The following PLEKHB2 variants were observed in gnomAD, a reference collection of about 807,000 sequenced individuals.
PLEKHB2 encodes the protein pleckstrin homology domain containing B2.
PLEKHB2 carries 31 observed loss-of-function variants against 36.5 expected under a neutral mutation model. The ratio of observed to expected loss-of-function variants is 0.85; its 90% CI spans 0.64 to 1.15. The LOEUF (loss-of-function observed/expected upper bound fraction) is 1.15. Ranked by LOEUF, PLEKHB2 falls within the 50% of genes most tolerant of loss-of-function variation. The pLI is 0.00. For missense variants in PLEKHB2, 262 were observed against 295.3 expected (o/e 0.89, Z 0.83); for synonymous variants, 119 against 112.0 (o/e 1.06, Z -0.39).
chr2:131,145,335 TTTC>T (rs148203262), intron 7 of PLEKHB2, among the ~76,000 whole-genome samples: 3,241 of 152,234 alleles, frequency 0.021, 113 homozygotes, highest in African/African-American at 0.074. Context: ...ACTAGTTTTT[TTTC>T]TTTTCTTTTT....
intron 5 of PLEKHB2, among the ~76,000 whole-genome samples, chr2:131,131,122 A>G (rs75472803): frequency 0.018 from 2,772 of 152,206 alleles, 49 homozygotes; most frequent in African/African-American, 0.048. Context: ...TTGTGTAACA[A>G]TTGGAGAATG....
chr2:131,115,246 T>C (rs1185064536), intron 1 of PLEKHB2, among the ~76,000 whole-genome samples: 1 of 151,808 alleles, frequency 6.6e-6, no homozygotes, highest in Non-Finnish European at 1.5e-5. Flanking sequence ...GATTCAGTTA[T>C]CTCCACCTGG....
chr2:131,131,091 C>T (rs1203538197), intron 5 of PLEKHB2, among the ~76,000 whole-genome samples: 1 of 152,166 alleles, frequency 6.6e-6, no homozygotes, highest in African/African-American at 2.4e-5. Context: ...ACCCGGCCAC[C>T]AGTAATGTTT....
At position 131,125,924 on chromosome 2, in the gene PLEKHB2, G is replaced by A. The variant is rs751581854; in HGVS notation, c.190+19G>A. 2.3e-5 allele frequency: 37 copies of A among 1,608,580 alleles called. No individual in the cohort carries two copies. The highest frequency in any genetic ancestry group is 3.0e-5 in the Non-Finnish European group (35 of 1,177,460). ...TGTCGGGGTAAGCTGGCCTGTCTTG[G>A]CCAACTTCTGTCTTCTGCTCTTCCT... On this transcript the variant is annotated intron_variant, in intron 3 of 7. Transcript: ENST00000693505.
chr2:131,109,291 G>T (rs1695045143), intron 1 of PLEKHB2, among the ~76,000 whole-genome samples: 1 of 152,154 alleles, frequency 6.6e-6, no homozygotes, highest in Admixed American at 6.5e-5. Context: ...GTTCAAATAG[G>T]TAGATTAATT....
In PLEKHB2 at chr2:131,130,576, A is replaced by G. The variant is rs1697578125; in HGVS notation, c.294-145A>G. The G allele has an allele frequency of 2.4e-5, 16 of 675,852 alleles. No homozygotes were observed. The East Asian group carries it at 4.3e-4, about 18-fold the overall frequency. 41.9% of individuals were successfully genotyped at this position (675,852 alleles called of 1,614,324 possible). ...GTAATTTTTAAAAATATATATTCCT[A>G]GTGCATGTCTCAAGTGGTTTGGGGC... On this transcript the variant is annotated intron_variant, in intron 4 of 7. Transcript: ENST00000693505.
At chr2:131,128,649 T>G (rs1697334593) in intron 4 of PLEKHB2, among the ~76,000 whole-genome samples, 1 of 152,198 alleles carries the variant, frequency 6.6e-6, no homozygotes, top group South Asian at 2.1e-4. Context: ...GAAAGTGGTC[T>G]TCCCTTCAAT....
chr2:131,126,590 T>C, intron 3 of PLEKHB2, 94 bp from the exon 4 acceptor site: 1 of 741,654 alleles, frequency 1.3e-6, no homozygotes, highest in Non-Finnish European at 2.4e-6. Context: ...ACTTGATTTA[T>C]TGTCTAGTCC....
intron 4 of PLEKHB2, among the ~76,000 whole-genome samples, chr2:131,129,941 A>T (rs1049632133): frequency 6.6e-6 from 1 of 152,072 alleles, no homozygotes; most frequent in Admixed American, 6.5e-5. Flanking sequence ...GAAATAAATT[A>T]TGTTTTTATC....
chr2:131,127,403 T>A (rs1025277668), intron 4 of PLEKHB2, among the ~76,000 whole-genome samples: 1 of 152,236 alleles, frequency 6.6e-6, no homozygotes, highest in African/African-American at 2.4e-5. Context: ...TCTTTTCTTA[T>A]AAAGGACACC....
chr2:131,134,104 T>C (rs1697994224), intron 6 of PLEKHB2, among the ~76,000 whole-genome samples: 1 of 152,112 alleles, frequency 6.6e-6, no homozygotes, highest in Non-Finnish European at 1.5e-5. Context: ...TTTCACTGTG[T>C]TAGCCAGGAT....
chr2:131,134,101 G>A (rs1346632566), intron 6 of PLEKHB2, among the ~76,000 whole-genome samples: 3 of 151,926 alleles, frequency 2.0e-5, no homozygotes, highest in Admixed American at 2.0e-4. Flanking sequence ...GGGTTTCACT[G>A]TGTTAGCCAG....
chr2:131,146,446 G>A (rs567388448), intron 7 of PLEKHB2, among the ~76,000 whole-genome samples, 191 bp from the exon 8 acceptor site: 1 of 152,296 alleles, frequency 6.6e-6, no homozygotes, highest in African/African-American at 2.4e-5. Flanking sequence ...GTGAGCTGAG[G>A]ATCTTGGTTT....
At chr2:131,131,498 C>T (rs1483779696) in intron 5 of PLEKHB2, among the ~76,000 whole-genome samples, 1 of 152,114 alleles carries the variant, frequency 6.6e-6, no homozygotes. Flanking sequence ...GTAATGCTGT[C>T]TTTATCTGTC....
chr2:131,131,758 C>CT (rs35889012), intron 5 of PLEKHB2, among the ~76,000 whole-genome samples: 11,534 of 139,020 alleles, frequency 0.083, 1,207 homozygotes, highest in African/African-American at 0.24. Flanking sequence ...GAAAATCCCC[C>CT]TTTTTTTTTT....
intron 2 of PLEKHB2, among the ~76,000 whole-genome samples, chr2:131,125,360 A>ATGCAGCC (rs1696985240): frequency 6.6e-6 from 1 of 152,238 alleles, no homozygotes; most frequent in Non-Finnish European, 1.5e-5. Flanking sequence ...TGTGTGCTGC[A>ATGCAGCC]TGCAGCCTGT....
chr2:131,120,593 C>T (rs893510716), intron 1 of PLEKHB2: 1 of 368,808 alleles, frequency 2.7e-6, no homozygotes, highest in Non-Finnish European at 5.1e-6. Flanking sequence ...AATGTAGGCA[C>T]CTCAGGGCTC....
chr2:131,117,050 A>T (rs1290164318), intron 1 of PLEKHB2, among the ~76,000 whole-genome samples: 1 of 152,058 alleles, frequency 6.6e-6, no homozygotes, highest in Non-Finnish European at 1.5e-5. Flanking sequence ...TGAACCTCAG[A>T]GGCGGAGGTT....
intron 5 of PLEKHB2, among the ~76,000 whole-genome samples, chr2:131,132,034 A>T (rs896591636): frequency 2.0e-5 from 3 of 152,048 alleles, no homozygotes; most frequent in Admixed American, 2.0e-4. Context: ...GGGTTTCATC[A>T]TGTTGGTCAG....
Sources: gnomAD v4.1 joint callset for allele counts (sites outside exome capture counted in the v4.1 genomes callset) on GRCh38, gnomAD v4.1.1 for gene constraint, MANE v1.5 for transcripts, NCBI Gene and HGNC (gene_info 2026-07-23, HGNC 2026-07-21) for gene names.